The following IFT172 variants were observed in gnomAD, a reference collection of about 807,000 sequenced individuals.
The protein encoded by IFT172 is intraflagellar transport 172.
A neutral mutation model predicts 248.9 loss-of-function variants in IFT172; 164 were observed. The ratio of observed to expected loss-of-function variants is 0.66; its 90% CI spans 0.58 to 0.75. IFT172 has a LOEUF of 0.75. Among genes scored for constraint, IFT172 ranks in the 30% least tolerant of loss-of-function variants. The probability of loss-of-function intolerance (pLI) is 0.00; values close to 1 mark genes in which losing one functional copy is unlikely to be tolerated. For missense variants in IFT172, 1,950 were observed against 2,192.4 expected (o/e 0.89, Z 2.21); for synonymous variants, 729 against 791.6 (o/e 0.92, Z 1.33).
At chr2:27,473,262 C>T (rs184515255) in intron 14 of IFT172, among the ~76,000 whole-genome samples, 5 of 142,072 alleles carry the variant, frequency 3.5e-5, no homozygotes, top group Non-Finnish European at 4.6e-5. Flanking sequence ...CCCAGCTACT[C>T]GGGAGGCTGA....
rs1666699462 is a variant in IFT172, at chr2:27,461,815, C to T, written c.2137G>A (p.Gly713Ser). Residue 713 changes from glycine to serine, a missense_variant, in exon 21 of 48, where the codon GGC (glycine) becomes AGC (serine). Gly to Ser is a moderately conservative substitution (Grantham distance 56). Coordinates refer to ENST00000260570, the MANE Select transcript of IFT172 (RefSeq NM_015662.3). ...LEQNAVEEAM[G>S]MYQELHRWDE... ...CAACGGTGTAGCTCCTGGTACATGC[C>T]CATGGCCTCCTCCACAGCATTCTAG... 2 of 1,614,152 alleles carry T rather than the reference C, an allele frequency of 1.2e-6. No individual in the cohort carries two copies.
intron 36 of IFT172, 58 bp from the exon 37 acceptor site, chr2:27,449,858 G>T: frequency 6.8e-7 from 1 of 1,465,504 alleles, no homozygotes; most frequent in Non-Finnish European, 9.5e-7. Flanking sequence ...TTCCCACTGT[G>T]AGCTCTCCCA....
intron 23 of IFT172, 35 bp downstream of exon 23, chr2:27,460,980 A>G (rs769093293): frequency 1.2e-6 from 2 of 1,613,866 alleles, no homozygotes; most frequent in Non-Finnish European, 1.7e-6. Context: ...GCAAGAGTCC[A>G]CAACAGTAAA....
intron 1 of IFT172, among the ~76,000 whole-genome samples, chr2:27,487,512 T>C (rs1668854082): frequency 6.6e-6 from 1 of 152,206 alleles, no homozygotes; most frequent in Non-Finnish European, 1.5e-5. Context: ...TACAGATAGA[T>C]GAATGGAAGC....
intron 35 of IFT172, among the ~76,000 whole-genome samples, chr2:27,452,294 A>C (rs1053226204): frequency 6.6e-6 from 1 of 152,168 alleles, no homozygotes; most frequent in Non-Finnish European, 1.5e-5. Flanking sequence ...TTTGAACTGA[A>C]ACATCAGCTC....
chr2:27,474,958 G>A (rs997875191), intron 14 of IFT172, among the ~76,000 whole-genome samples: 2 of 152,032 alleles, frequency 1.3e-5, no homozygotes, highest in African/African-American at 2.4e-5. Flanking sequence ...CACAGGCTGA[G>A]GCAAAAATAT....
chr2:27,447,838 C>T lies in IFT172; in HGVS notation c.4513G>A (p.Asp1505Asn). Reference protein sequence around the residue: ...NCAEAYHSWADLRDVLFNLCE... With the variant: ...NCAEAYHSWANLRDVLFNLCE... ...AGGTTGAAGAGGACATCTCGAAGAT[C>T]AGCCCAGCTATGATAGGCCTCGGCA... Residue 1505 changes from aspartate to asparagine, a missense_variant, in exon 41 of 48, where the codon GAT becomes AAT. Coordinates refer to ENST00000260570, the MANE Select transcript of IFT172 (RefSeq NM_015662.3). 1.2e-6 allele frequency: 2 copies of T among 1,613,576 alleles called. No homozygotes were observed.
intron 1 of IFT172, among the ~76,000 whole-genome samples, chr2:27,487,571 T>C (rs1427252649): frequency 6.6e-6 from 1 of 152,164 alleles, no homozygotes; most frequent in Non-Finnish European, 1.5e-5. Context: ...AGTTTGTAAG[T>C]GGTAGGACCA....
At position 27,445,567 on chromosome 2, in the gene IFT172, GA is replaced by G. The variant is rs773001369; in HGVS notation, c.4915-119del. The G allele has an allele frequency of 7.5e-6, 10 of 1,332,778 alleles. No individual in the cohort carries two copies. The highest frequency in any genetic ancestry group is 7.2e-6 in the Non-Finnish European group (7 of 975,664). 82.6% of individuals were successfully genotyped at this position (1,332,778 alleles called of 1,614,324 possible). A position where few individuals can be genotyped will look rare whatever the true frequency, so the allele number is the denominator to read the frequency against. On this transcript the variant is annotated intron_variant, in intron 45 of 47. Transcript: ENST00000260570. This position sits in a 1 kb window ranked among gnomAD's most constrained non-coding sequence, Gnocchi z 4.4. ...ATCCTGTATACCAGCTTTTAGCCAC[GA>G]ATCCTCCTTGGATTGGGGGATGCAG... is the stretch of plus-strand genomic sequence containing the variant.
Position 27,465,834 on chromosome 2 carries a change from C to T in IFT172, c.1741G>A (p.Val581Met). The T allele has an allele frequency of 6.2e-7, 1 of 1,614,080 alleles. No individual in the cohort carries two copies. The highest frequency in any genetic ancestry group is 2.2e-5 in the East Asian group (1 of 44,884). Residue 581 changes from valine (V) to methionine (M), a missense_variant, in exon 17 of 48, where the codon GTG (valine) becomes ATG (methionine). Physicochemically the swap from Val to Met is conservative, Grantham distance 21. Around this residue, in one of 3 missense-constraint regions of IFT172, gnomAD observed 1,166 missense variants for 1,254.1 expected, o/e 0.93. Coordinates refer to ENST00000260570, the MANE Select transcript of IFT172 (RefSeq NM_015662.3). The stretch of plus-strand genomic sequence containing the variant: ...GCAACAGTAGTCACACCTTCCATCA[C>T]CATCACCTCGGTCTTTCCCCCGCCC... The part of the protein sequence containing the change: ...ERGGGKTEVM[V>M]MEGVTTVAYT...
chr2:27,454,020 G>A lies in IFT172; in HGVS notation c.3673C>T (p.Arg1225Trp), dbSNP rs148305851. ...DFQKAEGLLLRAQRPGLALNY... is the reference protein window; with the variant it reads ...DFQKAEGLLLWAQRPGLALNY... ...AGGGCCAGGCCTGGTCTCTGGGCCC[G>A]GAGCAGCAGCCCTTCTGCTTTCTGA... Residue 1225 changes from arginine (R) to tryptophan (W), a missense_variant, in exon 33 of 48, where the codon CGG (arginine) becomes TGG (tryptophan). This residue lies in a region of IFT172 where 620 missense variants were observed against 699.0 expected (regional missense o/e 0.89). Transcript: ENST00000260570. The surrounding 1 kb of genome is among the most constrained non-coding windows in gnomAD (Gnocchi z 4.2). The A allele has an allele frequency of 1.1e-4, 177 of 1,613,766 alleles. No individual in the cohort carries two copies. Among genetic ancestry groups the A allele is most frequent in the Non-Finnish European group, 1.3e-4 (156 of 1,179,976 alleles).
intron 41 of IFT172, 50 bp from the exon 42 acceptor site, chr2:27,447,684 G>A (rs372628612): frequency 2.5e-6 from 4 of 1,613,180 alleles, no homozygotes; most frequent in Non-Finnish European, 3.4e-6. Flanking sequence ...AGGAGTGCCA[G>A]GGCCATAGAG....
At position 27,465,583 on chromosome 2, in the gene IFT172, T is replaced by C. The variant is rs1048902735; in HGVS notation, c.1830-65A>G. The C allele has an allele frequency of 1.1e-5, 17 of 1,562,128 alleles. No individual in the cohort carries two copies. In the Middle Eastern group the frequency reaches 1.3e-3, roughly 123 times the overall value. ...GGGTTAGGAAGATACAGCAGAAGAC[T>C]GGTGATGGGGCAAGGGGAGGGGGAA... is the stretch of plus-strand genomic sequence containing the variant. On this transcript the variant is annotated intron_variant, in intron 17 of 47. Coordinates refer to ENST00000260570, the MANE Select transcript of IFT172 (RefSeq NM_015662.3).
intron 18 of IFT172, 50 bp from the exon 19 acceptor site, chr2:27,463,231 CATT>C (rs1482865131): frequency 1.3e-6 from 2 of 1,510,766 alleles, no homozygotes; most frequent in Non-Finnish European, 9.2e-7. Flanking sequence ...ATAGAATCAT[CATT>C]AATTCATTGG....
chr2:27,448,200 T>C (rs929165605), intron 40 of IFT172, among the ~76,000 whole-genome samples: 1 of 151,978 alleles, frequency 6.6e-6, no homozygotes, highest in African/African-American at 2.4e-5. Flanking sequence ...CCCAGGTTCA[T>C]GCCATTCTCC....
intron 1 of IFT172, among the ~76,000 whole-genome samples, chr2:27,488,979 T>G (rs1245046005): frequency 1.3e-5 from 2 of 152,076 alleles, no homozygotes; most frequent in African/African-American, 4.8e-5. Context: ...GAGGCGGAGG[T>G]TGCAGTGAGA....
intron 22 of IFT172, 82 bp from the exon 23 acceptor site, chr2:27,461,175 C>A: frequency 6.2e-7 from 1 of 1,612,954 alleles, no homozygotes; most frequent in Non-Finnish European, 8.5e-7. Context: ...GGAACACCAG[C>A]AGTCAGGAAG....
rs1357445568 is a variant in IFT172, at chr2:27,445,376, G to A, written c.4988C>T (p.Pro1663Leu). The A allele has an allele frequency of 6.2e-7, 1 of 1,613,060 alleles. No individual in the cohort carries two copies. Among genetic ancestry groups the A allele is most frequent in the Non-Finnish European group, 8.5e-7 (1 of 1,179,688 alleles). ...SMDQRLEQVL[P>L]RDERGAYEAS... is the part of the protein sequence containing the mutation. ...CTCGTAGGCGCCACGCTCATCCCGA[G>A]GCAGAACCTGCTCCAGCCGCTGGTC... Residue 1663 changes from proline to leucine, a missense_variant, in exon 46 of 48, where the codon CCT (proline) becomes CTT (leucine). Around this residue, in one of 3 missense-constraint regions of IFT172, gnomAD observed 620 missense variants for 699.0 expected, o/e 0.89. Coordinates refer to ENST00000260570, the MANE Select transcript of IFT172 (RefSeq NM_015662.3). This position sits in a 1 kb window ranked among gnomAD's most constrained non-coding sequence, Gnocchi z 4.4.
At chr2:27,478,275 G>A (rs1668112567) in intron 10 of IFT172, 119 bp from the exon 11 acceptor site, 6 of 1,167,172 alleles carry the variant, frequency 5.1e-6, no homozygotes, top group Non-Finnish European at 7.3e-6. Context: ...TTTCTTCCCT[G>A]GGTCTAGGAT....
Sources: allele counts gnomAD v4.1 joint callset (sites outside exome capture counted in the v4.1 genomes callset), GRCh38; gene constraint gnomAD v4.1.1; regional missense constraint gnomAD v4.1.1; non-coding constraint Gnocchi (gnomAD v3.1); transcripts MANE v1.5; gene names NCBI Gene and HGNC (gene_info 2026-07-23, HGNC 2026-07-21).